The following OR10H5 variants were observed in gnomAD, a reference collection of about 807,000 sequenced individuals.
OR10H5 encodes olfactory receptor family 10 subfamily H member 5.
A neutral mutation model predicts 12.2 loss-of-function variants in OR10H5; 7 were observed. That is an observed-to-expected ratio of 0.57 (90% CI 0.33 to 1.07). The LOEUF is 1.07. Ranked by LOEUF, OR10H5 falls within the 50% of genes least tolerant of loss-of-function variation. The probability of loss-of-function intolerance (pLI) is 0.04; values close to 1 mark genes in which losing one functional copy is unlikely to be tolerated. For missense variants in OR10H5, 346 were observed against 411.6 expected (o/e 0.84, Z 1.38); for synonymous variants, 159 against 175.1 (o/e 0.91, Z 0.73).
Position 15,797,953 on chromosome 19 carries a change from G to A in OR10H5, c.*2957G>A, listed in dbSNP as rs1048606124. The A allele has an allele frequency of 6.1e-5, 9 of 147,350 alleles. No homozygotes were observed. In the Admixed American group the frequency reaches 6.5e-4, roughly 11 times the overall value. 9.1% of individuals were successfully genotyped at this position (147,350 alleles called of 1,614,324 possible). On this transcript the variant is annotated 3_prime_UTR_variant, in exon 2 of 2. Coordinates refer to ENST00000642092, the MANE Select transcript of OR10H5 (RefSeq NM_001004466.2). Reference sequence around the variant, plus strand: ...CCAGCTACTCGAGAGGCTGAGGCAGGATAATTGCTTTAACCGGGGAGACAG... The same window carrying A: ...CCAGCTACTCGAGAGGCTGAGGCAGAATAATTGCTTTAACCGGGGAGACAG...
In OR10H5 at chr19:15,799,211, C is replaced by T. The variant is rs2088855498; in HGVS notation, c.*4215C>T. On this transcript the variant is annotated 3_prime_UTR_variant, in exon 2 of 2. Coordinates refer to ENST00000642092, the MANE Select transcript of OR10H5 (RefSeq NM_001004466.2). Reference sequence around the variant, plus strand: ...AAATTCATTCTTTGACCCTATAGCCCAATGGGCTCCCTGCTGTCCCGGCAG... The same window carrying T: ...AAATTCATTCTTTGACCCTATAGCCTAATGGGCTCCCTGCTGTCCCGGCAG... 1 of 152,260 alleles carries T rather than the reference C, an allele frequency of 6.6e-6. No individual in the cohort carries two copies. Among genetic ancestry groups the T allele is most frequent in the African/African-American group, 2.4e-5 (1 of 41,452 alleles). 9.4% of individuals were successfully genotyped at this position (152,260 alleles called of 1,614,324 possible).
intron 1 of OR10H5, 67 bp from the exon 2 acceptor site, chr19:15,793,971 G>A: frequency 7.4e-7 from 1 of 1,354,452 alleles, no homozygotes; most frequent in Non-Finnish European, 1.0e-6. Flanking sequence ...TGTCCTCCCA[G>A]GTGGGAGTCA....
At position 15,795,131 on chromosome 19, in the gene OR10H5, T is replaced by C. The variant is rs56117700; in HGVS notation, c.*135T>C. ...CCTTCTTTCCTTCCTCCCTCCCTCC[T>C]TTCCTCCCTCCTTCTCTGACCTACA... On this transcript the variant is annotated 3_prime_UTR_variant, in exon 2 of 2. Coordinates refer to ENST00000642092, the MANE Select transcript of OR10H5 (RefSeq NM_001004466.2). The C allele has an allele frequency of 0.69, 496,467 of 720,012 alleles. 173,602 individuals are homozygous for C. Among genetic ancestry groups the C allele is most frequent in the East Asian group, 1 (35,285 of 35,398 alleles). The allele number at this position is 720,012 out of a possible 1,614,324, so 44.6% of individuals were successfully genotyped here. A position where few individuals can be genotyped will look rare whatever the true frequency, so the allele number is the denominator to read the frequency against.
chr19:15,793,419 C>A (rs1278272836), intron 1 of OR10H5, among the ~76,000 whole-genome samples: 1 of 152,026 alleles, frequency 6.6e-6, no homozygotes, highest in Non-Finnish European at 1.5e-5. Flanking sequence ...CCATGCCTGG[C>A]TAATTTTTTT....
In OR10H5 at chr19:15,795,043, G is replaced by T; in HGVS notation, c.*47G>T. The T allele has an allele frequency of 6.6e-7, 1 of 1,520,050 alleles. No individual in the cohort carries two copies. The highest frequency in any genetic ancestry group is 1.2e-5 in the South Asian group (1 of 83,706). The allele number at this position is 1,520,050 out of a possible 1,614,324, so 94.2% of individuals were successfully genotyped here. On this transcript the variant is annotated 3_prime_UTR_variant, in exon 2 of 2. Transcript: ENST00000642092. The stretch of plus-strand genomic sequence containing the variant: ...AGATGTAGCGAATGGGAACACTTTA[G>T]TCTTCCTCCTTTATTTCTTTTCCTT...
intron 1 of OR10H5, among the ~76,000 whole-genome samples, chr19:15,792,683 T>C (rs1416564236): frequency 1.3e-5 from 2 of 151,978 alleles, no homozygotes; most frequent in Non-Finnish European, 2.9e-5. Context: ...CCAGGCTGGT[T>C]TTGAACTCCT....
Position 15,794,907 on chromosome 19 carries a change from A to C in OR10H5, c.859A>C (p.Ser287Arg), listed in dbSNP as rs779083074. The C allele has an allele frequency of 3.7e-6, 6 of 1,613,970 alleles. No homozygotes were observed. Among genetic ancestry groups the C allele is most frequent in the Non-Finnish European group, 4.2e-6 (5 of 1,180,026 alleles). Residue 287 changes from serine to arginine, a missense_variant, in exon 2 of 2, where the codon AGC becomes CGC. Transcript: ENST00000642092. ...ITYTVLTPFLSPIIFSLRNKE... is the reference protein window; with the variant it reads ...ITYTVLTPFLRPIIFSLRNKE... ...CTACACGGTCCTCACACCCTTCCTC[A>C]GCCCCATCATCTTCAGCCTCAGGAA...
At chr19:15,791,502 G>A (rs2088808954) in intron 1 of OR10H5, among the ~76,000 whole-genome samples, 1 of 150,196 alleles carries the variant, frequency 6.7e-6, no homozygotes, top group Non-Finnish European at 1.5e-5. Context: ...AACTACAGAT[G>A]TACTCCGCAA....
chr19:15,794,318 C>A lies in OR10H5; in HGVS notation c.270C>A (p.Arg90=). The change falls in exon 2 of 2, where the codon CGC becomes CGA. Residue 90 remains arginine, a synonymous_variant. Transcript: ENST00000642092. ...RMLADLLSTQ[R]SIAFLACASQ... ...TGGCCGACCTGCTGTCCACCCAGCGCTCCATCGCCTTCCTGGCCTGTGCCA... is the reference window on the plus strand; with the variant it reads ...TGGCCGACCTGCTGTCCACCCAGCGATCCATCGCCTTCCTGGCCTGTGCCA... 1 of 1,614,134 alleles carries A rather than the reference C, an allele frequency of 6.2e-7. No individual in the cohort carries two copies. The highest frequency in any genetic ancestry group is 8.5e-7 in the Non-Finnish European group (1 of 1,180,002).
chr19:15,794,720 C>T lies in OR10H5; in HGVS notation c.672C>T (p.Ala224=), dbSNP rs111376820. The T allele has an allele frequency of 2.6e-3, 4,201 of 1,613,724 alleles. 87 individuals carry two copies. The African/African-American group carries it at 0.044, about 17-fold the overall frequency. ...LILLSYAFIV[A]AILKIPSAEG... ...TCCTCTCCTATGCCTTCATCGTGGCCGCCATCTTGAAGATCCCTTCTGCTG... is the reference window on the plus strand; with the variant it reads ...TCCTCTCCTATGCCTTCATCGTGGCTGCCATCTTGAAGATCCCTTCTGCTG... The change falls in exon 2 of 2, where the codon GCC becomes GCT. Residue 224 remains alanine (A), a synonymous_variant. Transcript: ENST00000642092.
At position 15,796,772 on chromosome 19, in the gene OR10H5, T is replaced by C. The variant is rs999790331; in HGVS notation, c.*1776T>C. The C allele has an allele frequency of 1.3e-5, 2 of 150,462 alleles. No homozygotes were observed. The highest frequency in any genetic ancestry group is 4.9e-5 in the African/African-American group (2 of 40,956). The allele number at this position is 150,462 out of a possible 1,614,324, so 9.3% of individuals were successfully genotyped here. Reference sequence around the variant, plus strand: ...CCTTGTCCCAAAAAATTAAATTAAATTAAATTAAACGCTTTGCAAAAAAAA... The same window carrying C: ...CCTTGTCCCAAAAAATTAAATTAAACTAAATTAAACGCTTTGCAAAAAAAA... On this transcript the variant is annotated 3_prime_UTR_variant, in exon 2 of 2. Transcript: ENST00000642092.
At position 15,799,867 on chromosome 19, in the gene OR10H5, A is replaced by G. The variant is rs961698775; in HGVS notation, c.*4871A>G. On this transcript the variant is annotated 3_prime_UTR_variant, in exon 2 of 2. Coordinates refer to ENST00000642092, the MANE Select transcript of OR10H5 (RefSeq NM_001004466.2). Reference sequence around the variant, plus strand: ...CAGGCGTGCCACCATGCCTGGCTAAATTTTTTTTGTGTTTTTAGTACAGAC... The same window carrying G: ...CAGGCGTGCCACCATGCCTGGCTAAGTTTTTTTTGTGTTTTTAGTACAGAC... 2 of 151,220 alleles carry G rather than the reference A, an allele frequency of 1.3e-5. No individual in the cohort carries two copies. The highest frequency in any genetic ancestry group is 4.9e-5 in the African/African-American group (2 of 41,124). 9.4% of individuals were successfully genotyped at this position (151,220 alleles called of 1,614,324 possible).
At chr19:15,791,229 C>T (rs568905458) in intron 1 of OR10H5, among the ~76,000 whole-genome samples, 3 of 151,982 alleles carry the variant, frequency 2.0e-5, no homozygotes, top group East Asian at 1.9e-4. Flanking sequence ...ACCTGTAATC[C>T]GAGCTACTCG....
Position 15,794,307 on chromosome 19 carries a change from T to G in OR10H5, c.259T>G (p.Ser87Ala). The stretch of plus-strand genomic sequence containing the variant: ...CCCGCGCATGCTGGCCGACCTGCTG[T>G]CCACCCAGCGCTCCATCGCCTTCCT... The part of the protein sequence containing the change: ...IIPRMLADLL[S>A]TQRSIAFLAC... Residue 87 changes from serine (S) to alanine (A), a missense_variant, in exon 2 of 2, where the codon TCC becomes GCC. Transcript: ENST00000642092. The G allele has an allele frequency of 6.2e-7, 1 of 1,614,052 alleles. No individual in the cohort carries two copies. The highest frequency in any genetic ancestry group is 8.5e-7 in the Non-Finnish European group (1 of 1,179,976).
chr19:15,794,558 A>G lies in OR10H5; in HGVS notation c.510A>G (p.Gly170=). ...TSAIFHLAFC[G]HKEIHHFFCH... is the part of the protein sequence containing the mutation. ...CCATTTTCCACCTCGCCTTCTGTGGACACAAGGAGATCCACCATTTCTTCT... is the reference window on the plus strand; with the variant it reads ...CCATTTTCCACCTCGCCTTCTGTGGGCACAAGGAGATCCACCATTTCTTCT... Residue 170 remains glycine, a synonymous_variant, in exon 2 of 2, where the codon GGA becomes GGG. Coordinates refer to ENST00000642092, the MANE Select transcript of OR10H5 (RefSeq NM_001004466.2). The G allele has an allele frequency of 6.2e-7, 1 of 1,614,170 alleles. No homozygotes were observed. Among genetic ancestry groups the G allele is most frequent in the Non-Finnish European group, 8.5e-7 (1 of 1,180,038 alleles).
In OR10H5 at chr19:15,794,004, C is replaced by G. The variant is rs370022128; in HGVS notation, c.-11-34C>G. The G allele has an allele frequency of 2.6e-6, 4 of 1,560,454 alleles. No homozygotes were observed. The African/African-American group carries it at 5.4e-5, about 21-fold the overall frequency. ...TCACTAGACACCCCTGTGCTCCTAA[C>G]CACTGGGTCTTCTTTCCTCTCTCCA... is the stretch of plus-strand genomic sequence containing the variant. On this transcript the variant is annotated intron_variant, in intron 1 of 1. Transcript: ENST00000642092.
At position 15,794,952 on chromosome 19, in the gene OR10H5, A is replaced by G; in HGVS notation, c.904A>G (p.Met302Val). Residue 302 changes from methionine to valine, a missense_variant, in exon 2 of 2, where the codon ATG becomes GTG. By Grantham distance (21) the Met-to-Val change is conservative. Coordinates refer to ENST00000642092, the MANE Select transcript of OR10H5 (RefSeq NM_001004466.2). ...CAGGAACAAGGAGCTGAAGGTCGCCATGAAGAAGACTTGCTTCACCAAACT... is the reference window on the plus strand; with the variant it reads ...CAGGAACAAGGAGCTGAAGGTCGCCGTGAAGAAGACTTGCTTCACCAAACT... ...SLRNKELKVA[M>V]KKTCFTKLFP... 2 of 1,614,212 alleles carry G rather than the reference A, an allele frequency of 1.2e-6. No homozygotes were observed. Among genetic ancestry groups the G allele is most frequent in the South Asian group, 1.1e-5 (1 of 91,084 alleles).
rs1042143614 is a variant in OR10H5 at position 15,797,056 on chromosome 19, C to G, written c.*2060C>G. On this transcript the variant is annotated 3_prime_UTR_variant, in exon 2 of 2. Transcript: ENST00000642092. ...AGGAGAATTGCTTGAATCCAGGAGG[C>G]GAAGGTTGCAGTGAGCCGAGATTGG... is the stretch of plus-strand genomic sequence containing the variant. 1 of 151,936 alleles carries G rather than the reference C, an allele frequency of 6.6e-6. No homozygotes were observed. The highest frequency in any genetic ancestry group is 1.5e-5 in the Non-Finnish European group (1 of 68,024). The allele number at this position is 151,936 out of a possible 1,614,324, so 9.4% of individuals were successfully genotyped here.
chr19:15,799,173 A>G lies in OR10H5; in HGVS notation c.*4177A>G, dbSNP rs901599151. 6.6e-6 allele frequency: 1 copy of G among 152,212 alleles called. No individual in the cohort carries two copies. The highest frequency in any genetic ancestry group is 1.5e-5 in the Non-Finnish European group (1 of 68,062). 9.4% of individuals were successfully genotyped at this position (152,212 alleles called of 1,614,324 possible). On this transcript the variant is annotated 3_prime_UTR_variant, in exon 2 of 2. Transcript: ENST00000642092. ...TCATCAGGGCTGCGTGGCCAGGTCT[A>G]TACTTCATCCCCAAATTCATTCTTT...
Sources: allele counts gnomAD v4.1 joint callset (sites outside exome capture counted in the v4.1 genomes callset), GRCh38; gene constraint gnomAD v4.1.1; transcripts MANE v1.5; gene names NCBI Gene and HGNC (gene_info 2026-07-23, HGNC 2026-07-21).